The following ARID1B variants were observed in gnomAD, a reference collection of about 807,000 sequenced individuals.
ARID1B encodes AT-rich interactive domain-containing protein 1B.
Under a neutral mutation model 212.3 loss-of-function variants are expected in ARID1B, and 30 were observed. The observed-to-expected ratio is 0.14, with a 90% CI of 0.11 to 0.19. ARID1B has a LOEUF of 0.19. Among genes scored for constraint, ARID1B ranks in the 10% least tolerant of loss-of-function variants. The pLI is 1.00. For synonymous variants in ARID1B, 1,402 were observed against 1,301.7 expected, an observed-to-expected ratio of 1.08 and a Z score of -1.66; for missense variants, 2,891 against 3,204.0, an observed-to-expected ratio of 0.90 and a Z score of 2.36.
rs1234608440 is a variant in ARID1B at position 156,829,370 on chromosome 6, C to A, written c.1935C>A (p.Ile645=). The change falls in exon 2 of 20, where the codon ATC becomes ATA. Residue 645 remains isoleucine, a synonymous_variant. Transcript: ENST00000636930. The part of the protein sequence containing the change: ...PPGPQRYPIG[I]QGRTPGAMAG... Reference sequence around the variant, plus strand: ...GCCCACAGCGGTATCCAATTGGCATCCAGGGTCGGACTCCCGGGGCCATGG... The same window carrying A: ...GCCCACAGCGGTATCCAATTGGCATACAGGGTCGGACTCCCGGGGCCATGG... The A allele has an allele frequency of 6.2e-7, 1 of 1,614,186 alleles. No homozygotes were observed. Among genetic ancestry groups the A allele is most frequent in the Non-Finnish European group, 8.5e-7 (1 of 1,180,042 alleles).
intron 4 of ARID1B, among the ~76,000 whole-genome samples, chr6:156,981,012 G>A (rs998497609): frequency 3.3e-5 from 5 of 152,156 alleles, no homozygotes; most frequent in African/African-American, 9.7e-5. Flanking sequence ...TGTAATCATG[G>A]CAGGTAAGTG....
intron 6 of ARID1B, among the ~76,000 whole-genome samples, chr6:157,130,302 A>G (rs1433749025): frequency 6.6e-6 from 1 of 152,234 alleles, no homozygotes; most frequent in African/African-American, 2.4e-5. Flanking sequence ...AGAAAAAGCA[A>G]TCGTTCTTTT....
intron 1 of ARID1B, among the ~76,000 whole-genome samples, chr6:156,812,239 C>T (rs1028514381): frequency 6.6e-6 from 1 of 152,202 alleles, no homozygotes; most frequent in Admixed American, 6.5e-5. Context: ...TCAAGTGATC[C>T]TCTGTCCTCA....
intron 2 of ARID1B, among the ~76,000 whole-genome samples, chr6:156,900,189 C>T (rs545339950): frequency 2.0e-5 from 3 of 152,250 alleles, no homozygotes; most frequent in Admixed American, 1.3e-4. Flanking sequence ...CATTGTGAGC[C>T]GTTATGGTCA....
In ARID1B at chr6:157,185,055, G is replaced by A. The variant is rs748718304; in HGVS notation, c.3919+620G>A. 85 of 153,508 alleles carry A rather than the reference G, an allele frequency of 5.5e-4. 1 individual carries two copies. The highest frequency in any genetic ancestry group is 2.0e-4 in the Non-Finnish European group (14 of 69,072). 9.5% of individuals were successfully genotyped at this position (153,508 alleles called of 1,614,324 possible). Reference sequence around the variant, plus strand: ...CAGGGGTCTTAGGAATGGGTGCAGCGCTGGCCACCAACACGCTCGCAGGCC... The same window carrying A: ...CAGGGGTCTTAGGAATGGGTGCAGCACTGGCCACCAACACGCTCGCAGGCC... On this transcript the variant is annotated intron_variant, in intron 13 of 19. Coordinates refer to ENST00000636930, the MANE Select transcript of ARID1B (RefSeq NM_001374828.1).
intron 3 of ARID1B, among the ~76,000 whole-genome samples, chr6:156,932,218 C>G (rs529632552): frequency 1.3e-5 from 2 of 150,128 alleles, no homozygotes; most frequent in East Asian, 3.9e-4. Flanking sequence ...CTACGCTAAA[C>G]TTTTTTCACA....
chr6:157,049,676 A>G (rs1430766687), intron 4 of ARID1B, among the ~76,000 whole-genome samples: 1 of 152,226 alleles, frequency 6.6e-6, no homozygotes, highest in Admixed American at 6.5e-5. Context: ...GCAAATGAAT[A>G]CATATTATTT....
intron 7 of ARID1B, among the ~76,000 whole-genome samples, chr6:157,144,245 T>C (rs1161134663): frequency 6.6e-6 from 1 of 152,274 alleles, no homozygotes; most frequent in Non-Finnish European, 1.5e-5. Context: ...GCATTCCAGC[T>C]ATAAGCAGAA....
At position 156,817,632 on chromosome 6, in the gene ARID1B, T is replaced by TA. The variant is rs551182557; in HGVS notation, c.1792-11584dup. 1.8e-3 allele frequency among the ~76,000 whole-genome samples: 271 copies of TA among 147,466 alleles called. 1 individual carries two copies. Among genetic ancestry groups the TA allele is most frequent in the South Asian group, 0.011 (49 of 4,656 alleles). ...ACAGAGCAGGACCTTGTCTGACTCT[T>TA]AAAAAAAAAAACCACACACACAAAA... On this transcript the variant is annotated intron_variant, in intron 1 of 19. Coordinates refer to ENST00000636930, the MANE Select transcript of ARID1B (RefSeq NM_001374828.1).
At position 157,175,115 on chromosome 6, in the gene ARID1B, CTTT is replaced by C; in HGVS notation, c.3504+113_3504+115del. 6.3e-6 allele frequency: 6 copies of C among 951,186 alleles called. No homozygotes were observed. The East Asian group carries it at 1.9e-4, about 31-fold the overall frequency. 58.9% of individuals were successfully genotyped at this position (951,186 alleles called of 1,614,324 possible). ...TTGCTTGTTTATTTGTTTTGTAAGA[CTTT>C]TTCTTCATTATTTATCCATGAAAGG... On this transcript the variant is annotated intron_variant, in intron 11 of 19. Transcript: ENST00000636930.
intron 4 of ARID1B, among the ~76,000 whole-genome samples, chr6:157,070,050 C>G (rs1783913897): frequency 6.6e-6 from 1 of 151,894 alleles, no homozygotes; most frequent in African/African-American, 2.4e-5. Flanking sequence ...TTGCCTATAC[C>G]TAAGAAAAAA....
Position 156,856,568 on chromosome 6 carries a change from A to G in ARID1B, c.1986+27147A>G, listed in dbSNP as rs186283241. ...CCACTGCTCCATGCTGCCTCCCTGC[A>G]TCAAGCACTGTGTCTTATTATAAAA... is the stretch of plus-strand genomic sequence containing the variant. On this transcript the variant is annotated intron_variant, in intron 2 of 19. Coordinates refer to ENST00000636930, the MANE Select transcript of ARID1B (RefSeq NM_001374828.1). Among the ~76,000 whole-genome samples, 344 of 152,268 alleles carry G rather than the reference A, an allele frequency of 2.3e-3. 3 individuals carry two copies. The highest frequency in any genetic ancestry group is 0.015 in the South Asian group (71 of 4,828).
At chr6:157,142,583 G>A (rs1040602603) in intron 7 of ARID1B, among the ~76,000 whole-genome samples, 3 of 152,048 alleles carry the variant, frequency 2.0e-5, no homozygotes, top group South Asian at 2.1e-4. Flanking sequence ...CCGGGATCAC[G>A]TCACTGCACT....
intron 2 of ARID1B, among the ~76,000 whole-genome samples, chr6:156,835,647 A>C (rs184792394): frequency 1.3e-5 from 2 of 152,226 alleles, no homozygotes; most frequent in African/African-American, 4.8e-5. Context: ...TCATGTACAC[A>C]TGAGTTCCAC....
Position 156,778,771 on chromosome 6 carries a change from A to G in ARID1B, c.1091A>G (p.Asp364Gly). 6.6e-7 allele frequency: 1 copy of G among 1,510,930 alleles called. No homozygotes were observed. The highest frequency in any genetic ancestry group is 8.9e-7 in the Non-Finnish European group (1 of 1,127,888). The allele number at this position is 1,510,930 out of a possible 1,614,324, so 93.6% of individuals were successfully genotyped here. The change falls in exon 1 of 20, where the codon GAC (aspartate) becomes GGC (glycine). Residue 364 changes from aspartate to glycine, a missense_variant. This residue lies in a region of ARID1B where 1,643 missense variants were observed against 1,544.0 expected (regional missense o/e 1.06). Transcript: ENST00000636930. ...AAAAGAPGSM[D>G]PLQNSHEGYP... ...GCCGCCGGGGCCCCCGGCAGCATGG[A>G]CCCCCTGCAGAACTCCCACGAAGGG... is the stretch of plus-strand genomic sequence containing the variant.
intron 4 of ARID1B, among the ~76,000 whole-genome samples, chr6:157,054,444 T>A (rs573491901): frequency 1.2e-4 from 18 of 152,366 alleles, no homozygotes; most frequent in Admixed American, 6.5e-4. Context: ...TGTGTTTGTA[T>A]TATTTTATAA....
chr6:156,776,890 T>C (rs1300450400), upstream of ARID1B: 1 of 152,244 alleles, frequency 6.6e-6, no homozygotes, highest in African/African-American at 2.4e-5. Flanking sequence ...ATTACGCCGA[T>C]GGCCCGAAAT....
chr6:156,987,483 A>G (rs1468125464), intron 4 of ARID1B, among the ~76,000 whole-genome samples: 3 of 152,060 alleles, frequency 2.0e-5, no homozygotes, highest in Admixed American at 2.0e-4. Flanking sequence ...GGCGCCCGCT[A>G]CTGCACCCGG....
intron 7 of ARID1B, among the ~76,000 whole-genome samples, chr6:157,142,548 C>CGA (rs1269689775): frequency 6.6e-6 from 1 of 152,110 alleles, no homozygotes; most frequent in African/African-American, 2.4e-5. Flanking sequence ...ATCGCTTAAA[C>CGA]TCAGGAGGCA....
Sources: gnomAD v4.1 joint callset for allele counts (sites outside exome capture counted in the v4.1 genomes callset) on GRCh38, gnomAD v4.1.1 for gene constraint, gnomAD v4.1.1 regional missense constraint, MANE v1.5 for transcripts, NCBI Gene and HGNC (gene_info 2026-07-23, HGNC 2026-07-21) for gene names.